The following TDRP variants were observed in gnomAD, a reference collection of about 807,000 sequenced individuals.
The protein encoded by TDRP is testis development-related protein.
A neutral mutation model predicts 10.5 loss-of-function variants in TDRP; 12 were observed. The ratio of observed to expected loss-of-function variants is 1.15; its 90% CI spans 0.73 to 1.86. TDRP has a LOEUF of 1.86. Among genes scored for constraint, TDRP ranks in the 40% most tolerant of loss-of-function variants. The pLI, the probability that TDRP is intolerant of heterozygous loss-of-function variation, is 0.00. For synonymous variants in TDRP, 139 were observed against 95.4 expected, an observed-to-expected ratio of 1.46 and a Z score of -2.67; for missense variants, 353 against 229.2, an observed-to-expected ratio of 1.54 and a Z score of -3.49.
rs559087283 is a variant in TDRP, at chr8:514,495, G to A, written c.109-19898C>T. Reference sequence around the variant, plus strand: ...CAAAACTGGGGACAGGATGCTGAACGCAGACTCTAGATCCACATTTGCCTC... The same window carrying A: ...CAAAACTGGGGACAGGATGCTGAACACAGACTCTAGATCCACATTTGCCTC... On this transcript the variant is annotated intron_variant, in intron 1 of 2. Coordinates refer to ENST00000324079, the MANE Select transcript of TDRP (RefSeq NM_001384899.1). Among the ~76,000 whole-genome samples the A allele has an allele frequency of 1.3e-4, 20 of 152,272 alleles. No individual in the cohort carries two copies. In the Middle Eastern group the frequency reaches 0.01, roughly 78 times the overall value.
chr8:525,665 A>G (rs191298848), intron 1 of TDRP, among the ~76,000 whole-genome samples: 29 of 152,290 alleles, frequency 1.9e-4, no homozygotes, highest in African/African-American at 7.0e-4. Context: ...CCTCATGGTA[A>G]CCTCAAATCA....
Position 491,426 on chromosome 8 carries a change from C to G in TDRP, c.*973G>C, listed in dbSNP as rs994146000. The G allele has an allele frequency of 1.6e-5, 8 of 514,692 alleles. No homozygotes were observed. The East Asian group carries it at 2.3e-4, about 15-fold the overall frequency. The allele number at this position is 514,692 out of a possible 1,614,324, so 31.9% of individuals were successfully genotyped here. The stretch of plus-strand genomic sequence containing the variant: ...CACATTGTCAAGGACAGTAAGCAGA[C>G]AGAAAAAGAACGCGAGAGATGCTCT... On this transcript the variant is annotated 3_prime_UTR_variant, in exon 3 of 3. Coordinates refer to ENST00000324079, the MANE Select transcript of TDRP (RefSeq NM_001384899.1).
chr8:535,164 A>C (rs1322691059), intron 1 of TDRP, among the ~76,000 whole-genome samples: 3 of 152,184 alleles, frequency 2.0e-5, no homozygotes, highest in Non-Finnish European at 4.4e-5. Context: ...AATATCTTGA[A>C]AAAAGCCACA....
rs112955235 is a variant in TDRP at position 491,961 on chromosome 8, CCTGA to C, written c.*434_*437del. On this transcript the variant is annotated 3_prime_UTR_variant, in exon 3 of 3. Coordinates refer to ENST00000324079, the MANE Select transcript of TDRP (RefSeq NM_001384899.1). ...TAACTTTGGAAGATTCATCTTACCT[CCTGA>C]CTAATTTTCTAGCAAAAGAAAAGAA... The C allele has an allele frequency of 5.1e-4, 567 of 1,115,380 alleles. 3 individuals are homozygous for C. In the African/African-American group the frequency reaches 7.1e-3, roughly 14 times the overall value. 69.1% of individuals were successfully genotyped at this position (1,115,380 alleles called of 1,614,324 possible).
chr8:533,661 A>G (rs1025294285), intron 1 of TDRP, among the ~76,000 whole-genome samples: 1 of 152,180 alleles, frequency 6.6e-6, no homozygotes, highest in African/African-American at 2.4e-5. Flanking sequence ...ACATTCAGCT[A>G]AGAAATGAAG....
At chr8:538,195 T>C (rs1011661960) in intron 1 of TDRP, among the ~76,000 whole-genome samples, 1 of 152,102 alleles carries the variant, frequency 6.6e-6, no homozygotes, top group African/African-American at 2.4e-5. Flanking sequence ...GGATGGGAAG[T>C]GACCAAGAGA....
At chr8:518,746 A>G (rs1223123487) in intron 1 of TDRP, among the ~76,000 whole-genome samples, 1 of 138,858 alleles carries the variant, frequency 7.2e-6, no homozygotes, top group African/African-American at 2.7e-5. Flanking sequence ...TTGGAAAAGT[A>G]AATAGATTCC....
At chr8:530,681 G>C (rs1003984503) in intron 1 of TDRP, among the ~76,000 whole-genome samples, 2 of 152,174 alleles carry the variant, frequency 1.3e-5, no homozygotes, top group African/African-American at 2.4e-5. Context: ...CAAGTTGTCT[G>C]GCAGGGCAAC....
intron 1 of TDRP, among the ~76,000 whole-genome samples, chr8:532,099 T>A (rs980518502): frequency 6.6e-6 from 1 of 152,244 alleles, no homozygotes; most frequent in Non-Finnish European, 1.5e-5. Context: ...TTCTTGCCTT[T>A]AATTCCTCTG....
chr8:492,397 C>T lies in TDRP; in HGVS notation c.*2G>A, dbSNP rs753469477. ...CGGGGCACACTTGCCACGCAGCCCC[C>T]CTCACTCCGCCTCCTCCGGGCTATC... On this transcript the variant is annotated 3_prime_UTR_variant, in exon 3 of 3. Coordinates refer to ENST00000324079, the MANE Select transcript of TDRP (RefSeq NM_001384899.1). 7 of 1,518,572 alleles carry T rather than the reference C, an allele frequency of 4.6e-6. No homozygotes were observed. The Admixed American group carries it at 6.2e-5, about 13-fold the overall frequency. The allele number at this position is 1,518,572 out of a possible 1,614,324, so 94.1% of individuals were successfully genotyped here.
chr8:495,125 C>A (rs1387243431), intron 1 of TDRP: 1 of 154,344 alleles, frequency 6.5e-6, no homozygotes, highest in South Asian at 2.0e-4. Context: ...TTCAGATACT[C>A]AGGAAGCTGA....
Position 540,260 on chromosome 8 carries a change from C to T in TDRP, c.108+4390G>A, listed in dbSNP as rs888826414. The stretch of plus-strand genomic sequence containing the variant: ...AAATTTAATATCATTTAGTATCCCA[C>T]AGCCTTAAAATGGATTTTTTCCAAC... On this transcript the variant is annotated intron_variant, in intron 1 of 2. Transcript: ENST00000324079. 2.0e-5 allele frequency among the ~76,000 whole-genome samples: 3 copies of T among 152,160 alleles called. No homozygotes were observed. In the South Asian group the frequency reaches 6.2e-4, roughly 31 times the overall value.
intron 1 of TDRP, among the ~76,000 whole-genome samples, chr8:520,956 A>G (rs1801886715): frequency 1.3e-5 from 2 of 151,902 alleles, no homozygotes; most frequent in South Asian, 4.2e-4. Flanking sequence ...CAATTTGTCT[A>G]TTTTTGCTTT....
intron 1 of TDRP, chr8:494,842 T>G (rs1801083844): frequency 2.7e-6 from 1 of 364,354 alleles, no homozygotes; most frequent in Non-Finnish European, 5.0e-6. Flanking sequence ...AATTTAGTAT[T>G]AGACAAGTCA....
At chr8:524,165 G>C (rs1181881505) in intron 1 of TDRP, among the ~76,000 whole-genome samples, 1 of 152,190 alleles carries the variant, frequency 6.6e-6, no homozygotes, top group Non-Finnish European at 1.5e-5. Context: ...TGGTAATCCT[G>C]GGAATTATCC....
chr8:537,728 A>G (rs1279948279), intron 1 of TDRP, among the ~76,000 whole-genome samples: 1 of 152,216 alleles, frequency 6.6e-6, no homozygotes, highest in Non-Finnish European at 1.5e-5. Flanking sequence ...TACCTGAAAC[A>G]AAAGAGGACA....
intron 1 of TDRP, among the ~76,000 whole-genome samples, chr8:504,196 G>A (rs937472624): frequency 6.6e-6 from 1 of 152,198 alleles, no homozygotes; most frequent in African/African-American, 2.4e-5. Context: ...CCAGCTGTGT[G>A]ACCTCCAGGA....
At chr8:543,513 CAAG>C (rs1802555181) in intron 1 of TDRP, among the ~76,000 whole-genome samples, 2 of 150,906 alleles carry the variant, frequency 1.3e-5, no homozygotes, top group African/African-American at 4.9e-5. Context: ...TCATTACATT[CAAG>C]AAGAGAGCTG....
intron 1 of TDRP, among the ~76,000 whole-genome samples, chr8:519,122 A>C (rs1044605843): frequency 6.6e-5 from 10 of 152,176 alleles, no homozygotes; most frequent in African/African-American, 2.4e-4. Flanking sequence ...CCAAAGATTT[A>C]ATCAGTCATG....
Sources: gnomAD v4.1 joint callset for allele counts (sites outside exome capture counted in the v4.1 genomes callset) on GRCh38, gnomAD v4.1.1 for gene constraint, MANE v1.5 for transcripts, NCBI Gene and HGNC (gene_info 2026-07-23, HGNC 2026-07-21) for gene names.